Variants in PRDM16 observed in about 807,000 individuals in gnomAD.
PRDM16 encodes histone-lysine N-methyltransferase PRDM16.
In PRDM16, 23 loss-of-function variants were observed where a neutral mutation model predicts 110.6. The observed-to-expected ratio is 0.21, with a 90% CI of 0.15 to 0.29. The LOEUF is 0.29. PRDM16 is among the 10% of genes least tolerant of loss of function. PRDM16 has a pLI of 1.00. For missense variants in PRDM16, 1,615 were observed against 1,794.3 expected (o/e 0.90, Z 1.81); for synonymous variants, 799 against 781.8 (o/e 1.02, Z -0.37).
At chr1:3,224,962 T>C (rs116771527) in intron 2 of PRDM16, among the ~76,000 whole-genome samples, 2,668 of 152,258 alleles carry the variant, frequency 0.018, 86 homozygotes, top group African/African-American at 0.06. Context: ...GGTGCTTGGG[T>C]CAGAGACAAA....
chr1:3,263,573 C>T (rs1376045224), intron 3 of PRDM16, among the ~76,000 whole-genome samples: 1 of 152,226 alleles, frequency 6.6e-6, no homozygotes, highest in African/African-American at 2.4e-5. Context: ...TCCCTGAGCT[C>T]TTCCATCCCA....
intron 1 of PRDM16, among the ~76,000 whole-genome samples, chr1:3,102,130 C>T (rs996639371): frequency 2.0e-5 from 3 of 152,218 alleles, no homozygotes; most frequent in Non-Finnish European, 4.4e-5. Flanking sequence ...ATTCAATGCT[C>T]CCAGGAGCCC....
At chr1:3,285,521 CT>C (rs1640825302) in intron 3 of PRDM16, among the ~76,000 whole-genome samples, 1 of 152,172 alleles carries the variant, frequency 6.6e-6, no homozygotes, top group Non-Finnish European at 1.5e-5. Context: ...AGCAGGCATG[CT>C]CCCAGGAAGC....
intron 1 of PRDM16, among the ~76,000 whole-genome samples, chr1:3,097,333 C>T (rs558348305): frequency 4.6e-5 from 7 of 152,304 alleles, no homozygotes; most frequent in Admixed American, 1.3e-4. Flanking sequence ...GCAGGGCTGC[C>T]GAGGGCTGCA....
At position 3,287,611 on chromosome 1, in the gene PRDM16, T is replaced by C. The variant is rs12030070; in HGVS notation, c.438+43474T>C. On this transcript the variant is annotated intron_variant, in intron 3 of 16. Transcript: ENST00000270722. ...ACCGGGGCTGGAGCTGCCCCTGCCA[T>C]GCGGGCATCGAGGATTGCATTTACC... 0.016 allele frequency among the ~76,000 whole-genome samples: 218 copies of C among 13,820 alleles called. 74 individuals carry two copies. The East Asian group carries it at 0.47, about 30-fold the overall frequency. 9.1% of individuals were successfully genotyped at this position (13,820 alleles called of 152,430 possible). A position where few individuals can be genotyped will look rare whatever the true frequency, so the allele number is the denominator to read the frequency against.
At chr1:3,360,946 G>A (rs1384696486) in intron 3 of PRDM16, among the ~76,000 whole-genome samples, 1 of 152,238 alleles carries the variant, frequency 6.6e-6, no homozygotes, top group Admixed American at 6.5e-5. Flanking sequence ...CGGCGGGAAC[G>A]AGGCAGGTGG....
chr1:3,387,944 C>T (rs943845326), intron 4 of PRDM16, among the ~76,000 whole-genome samples: 2 of 152,224 alleles, frequency 1.3e-5, no homozygotes, highest in Admixed American at 6.5e-5. Flanking sequence ...AATGCCCTCT[C>T]GCGCGCTGTG....
In PRDM16 at chr1:3,244,038, G is replaced by A. The variant is rs1639731875; in HGVS notation, c.388-49G>A. 4.4e-6 allele frequency: 7 copies of A among 1,591,848 alleles called. No homozygotes were observed. Among genetic ancestry groups the A allele is most frequent in the East Asian group, 2.2e-5 (1 of 44,768 alleles). ...CACCATTTAGAACCCAGTGTAGCTT[G>A]AGAATGTTTTATCAGAAACTAACAA... is the stretch of plus-strand genomic sequence containing the variant. On this transcript the variant is annotated intron_variant, in intron 2 of 16. Transcript: ENST00000270722. This position sits in a 1 kb window ranked among gnomAD's most constrained non-coding sequence, Gnocchi z 4.1.
At position 3,297,607 on chromosome 1, in the gene PRDM16, G is replaced by A. The variant is rs926730942; in HGVS notation, c.438+53470G>A. On this transcript the variant is annotated intron_variant, in intron 3 of 16. Coordinates refer to ENST00000270722, the MANE Select transcript of PRDM16 (RefSeq NM_022114.4). ...CCTGATGAGAGGATTTTTGAGGACT[G>A]AGGGTGGCTTTATAGCAGGCAGGTA... 4.6e-5 allele frequency among the ~76,000 whole-genome samples: 7 copies of A among 152,100 alleles called. 1 individual carries two copies. Among genetic ancestry groups the A allele is most frequent in the South Asian group, 4.1e-4 (2 of 4,824 alleles).
At chr1:3,180,458 G>A (rs1365447492) in intron 1 of PRDM16, among the ~76,000 whole-genome samples, 4 of 152,234 alleles carry the variant, frequency 2.6e-5, no homozygotes, top group East Asian at 1.9e-4. Context: ...AGTTTCTCCC[G>A]GTGGGTCCCA....
intron 3 of PRDM16, among the ~76,000 whole-genome samples, chr1:3,249,658 C>T (rs1639880662): frequency 6.6e-6 from 1 of 152,182 alleles, no homozygotes; most frequent in Non-Finnish European, 1.5e-5. Flanking sequence ...GTGTGTTTAG[C>T]TGCCCCGGAG....
At chr1:3,366,044 C>T (rs543921164) in intron 3 of PRDM16, among the ~76,000 whole-genome samples, 15 of 152,296 alleles carry the variant, frequency 9.8e-5, no homozygotes, top group African/African-American at 3.1e-4. Flanking sequence ...ATGCCACATA[C>T]GCACAGAACT....
rs1643418088 is a variant in PRDM16, at chr1:3,398,379, TC to T, written c.676+1788del. Reference sequence around the variant, plus strand: ...CAAATATTTGACTTTCCCTACTCTTTCCTGTCAAGATCATGCCTCCCCAATA... The same window carrying T: ...CAAATATTTGACTTTCCCTACTCTTTCTGTCAAGATCATGCCTCCCCAATA... On this transcript the variant is annotated intron_variant, in intron 5 of 16. Coordinates refer to ENST00000270722, the MANE Select transcript of PRDM16 (RefSeq NM_022114.4). Among the ~76,000 whole-genome samples the T allele has an allele frequency of 2.6e-5, 4 of 152,286 alleles. No homozygotes were observed. In the South Asian group the frequency reaches 8.3e-4, roughly 32 times the overall value.
chr1:3,248,722 C>A (rs1388789071), intron 3 of PRDM16, among the ~76,000 whole-genome samples: 1 of 152,214 alleles, frequency 6.6e-6, no homozygotes, highest in Non-Finnish European at 1.5e-5. Flanking sequence ...GATAGCCCAG[C>A]CTTGCATTGT....
At chr1:3,135,831 C>T (rs1003448623) in intron 1 of PRDM16, among the ~76,000 whole-genome samples, 2 of 152,238 alleles carry the variant, frequency 1.3e-5, no homozygotes, top group African/African-American at 4.8e-5. Context: ...CCCGTGGCTC[C>T]CTGGGCCGGG....
intron 3 of PRDM16, chr1:3,307,697 G>A (rs748373649): frequency 6.6e-6 from 1 of 152,070 alleles, no homozygotes; most frequent in African/African-American, 2.4e-5. Flanking sequence ...ATTTTTCAGG[G>A]CTCCATGAGC....
At position 3,404,898 on chromosome 1, in the gene PRDM16, G is replaced by A. The variant is rs751952895; in HGVS notation, c.1032+12G>A. The A allele has an allele frequency of 1.9e-6, 3 of 1,611,478 alleles. No individual in the cohort carries two copies. The highest frequency in any genetic ancestry group is 2.7e-5 in the African/African-American group (2 of 74,850). On this transcript the variant is annotated intron_variant, in intron 7 of 16. Transcript: ENST00000270722. ...AAAACTGCGTGAAGGTAACCTGCGG[G>A]GCGGCCCCGTCTCAGCCCCGGGGCA...
At chr1:3,324,347 G>C (rs1284880842) in intron 3 of PRDM16, among the ~76,000 whole-genome samples, 1 of 152,142 alleles carries the variant, frequency 6.6e-6, no homozygotes, top group Non-Finnish European at 1.5e-5. Flanking sequence ...CCGCCTGCCA[G>C]TCCTGGCCAT....
At position 3,390,671 on chromosome 1, in the gene PRDM16, T is replaced by A. The variant is rs914507928; in HGVS notation, c.573+5385T>A. Among the ~76,000 whole-genome samples, 1 of 152,080 alleles carries A rather than the reference T, an allele frequency of 6.6e-6. No individual in the cohort carries two copies. The highest frequency in any genetic ancestry group is 1.5e-5 in the Non-Finnish European group (1 of 68,008). On this transcript the variant is annotated intron_variant, in intron 4 of 16. Transcript: ENST00000270722. The surrounding 1 kb of genome is among the most constrained non-coding windows in gnomAD (Gnocchi z 5.0). ...CGGGTCGGCGGAGGGCATTTCTCTT[T>A]TGCTTTGCTGTCCTGGGCTCTGACC... is the stretch of plus-strand genomic sequence containing the variant.
Sources: gnomAD v4.1 joint callset for allele counts (sites outside exome capture counted in the v4.1 genomes callset) on GRCh38, gnomAD v4.1.1 for gene constraint, Gnocchi (gnomAD v3.1) non-coding constraint, MANE v1.5 for transcripts, NCBI Gene and HGNC (gene_info 2026-07-23, HGNC 2026-07-21) for gene names.